Variants in NFATC1 observed in about 807,000 individuals in gnomAD.
The protein encoded by NFATC1 is nuclear factor of activated T-cells, cytoplasmic 1.
NFATC1 carries 22 observed loss-of-function variants against 76.0 expected under a neutral mutation model. That is an observed-to-expected ratio of 0.29 (90% CI 0.21 to 0.41). The LOEUF is 0.41. NFATC1 is among the 10% of genes least tolerant of loss of function. The pLI, the probability that NFATC1 is intolerant of heterozygous loss-of-function variation, is 1.00. For synonymous variants in NFATC1, 704 were observed against 613.1 expected (o/e 1.15, Z -2.19); for missense variants, 1,357 against 1,337.7 (o/e 1.01, Z -0.23).
chr18:79,406,644 T>G (rs2085448529), intron 1 of NFATC1, among the ~76,000 whole-genome samples: 1 of 152,208 alleles, frequency 6.6e-6, no homozygotes. Flanking sequence ...GTGGCGTTTT[T>G]GGCTAAGGAA....
At chr18:79,498,894 T>A (rs1170500668) in intron 9 of NFATC1, among the ~76,000 whole-genome samples, 1 of 152,158 alleles carries the variant, frequency 6.6e-6, no homozygotes, top group Non-Finnish European at 1.5e-5. Context: ...AAAACCACTG[T>A]CAACCAAGAA....
chr18:79,493,700 TCC>T (rs1387040068), intron 9 of NFATC1: 1 of 152,012 alleles, frequency 6.6e-6, no homozygotes, highest in African/African-American at 2.4e-5. Context: ...TCTGAGGCCT[TCC>T]CCCCGGCTGA....
chr18:79,483,758 C>T (rs540795243), intron 8 of NFATC1, among the ~76,000 whole-genome samples: 1 of 147,512 alleles, frequency 6.8e-6, no homozygotes, highest in South Asian at 2.2e-4. Context: ...CCAGCGTGAC[C>T]TCGTTCCTGA....
At chr18:79,512,721 G>C (rs1351519543) in intron 9 of NFATC1, among the ~76,000 whole-genome samples, 1 of 152,224 alleles carries the variant, frequency 6.6e-6, no homozygotes, top group Non-Finnish European at 1.5e-5. Context: ...GCTCTGGGCT[G>C]TGGCTGCCGT....
chr18:79,467,806 G>A, intron 8 of NFATC1: 5 of 879,258 alleles, frequency 5.7e-6, no homozygotes, highest in Non-Finnish European at 7.1e-6. Context: ...GGCGGGGGTT[G>A]CATACTCAGA....
intron 9 of NFATC1, among the ~76,000 whole-genome samples, chr18:79,523,511 G>C (rs541729298): frequency 6.6e-6 from 1 of 152,398 alleles, no homozygotes; most frequent in South Asian, 2.1e-4. Flanking sequence ...GCTTGTTTAC[G>C]CACAGCTAGT....
chr18:79,439,844 G>A (rs1474133519), intron 3 of NFATC1, among the ~76,000 whole-genome samples: 1 of 152,226 alleles, frequency 6.6e-6, no homozygotes, highest in Non-Finnish European at 1.5e-5. Context: ...CTGCTGGGAA[G>A]GTGTTCACGG....
At chr18:79,492,834 A>G (rs2145094993) in intron 9 of NFATC1, among the ~76,000 whole-genome samples, 1 of 146,628 alleles carries the variant, frequency 6.8e-6, no homozygotes, top group East Asian at 2.1e-4. Flanking sequence ...AGACCTCGCC[A>G]CTGCACTCCA....
intron 9 of NFATC1, among the ~76,000 whole-genome samples, chr18:79,512,543 G>A (rs758814898): frequency 8.5e-5 from 13 of 152,220 alleles, no homozygotes; most frequent in Non-Finnish European, 1.9e-4. Flanking sequence ...GCAGTTGTGC[G>A]GCTGTGGACT....
At chr18:79,527,246 C>G in intron 9 of NFATC1, 1 of 369,944 alleles carries the variant, frequency 2.7e-6, no homozygotes, top group East Asian at 4.9e-5. Context: ...TTCCCAGCAT[C>G]GCGGCCGGCA....
Position 79,451,815 on chromosome 18 carries a change from A to G in NFATC1, c.1902A>G (p.Pro634=), listed in dbSNP as rs2087485654. 1 of 1,607,014 alleles carries G rather than the reference A, an allele frequency of 6.2e-7. No homozygotes were observed. The highest frequency in any genetic ancestry group is 8.5e-7 in the Non-Finnish European group (1 of 1,176,400). Reference sequence around the variant, plus strand: ...AGGTCATTTTCGTGGAGAAAGCCCCAGGTATGCTCTTCACCAGGGGCCATC... The same window carrying G: ...AGGTCATTTTCGTGGAGAAAGCCCCGGGTATGCTCTTCACCAGGGGCCATC... The part of the protein sequence containing the change: ...DSKVIFVEKA[P]DGHHVWEMEA... Residue 634 remains proline, a splice_region_variant and synonymous_variant, in exon 6 of 10, where the codon CCA becomes CCG. Coordinates refer to ENST00000427363, the MANE Select transcript of NFATC1 (RefSeq NM_001278669.2).
At chr18:79,517,344 T>C (rs2090407253) in intron 9 of NFATC1, among the ~76,000 whole-genome samples, 1 of 152,252 alleles carries the variant, frequency 6.6e-6, no homozygotes, top group Non-Finnish European at 1.5e-5. Flanking sequence ...TTTTGCTCTT[T>C]TTAAAAAGTT....
At chr18:79,473,170 G>T (rs895700494) in intron 8 of NFATC1, among the ~76,000 whole-genome samples, 18 of 152,248 alleles carry the variant, frequency 1.2e-4, no homozygotes, top group Middle Eastern at 3.2e-3. Flanking sequence ...TCGCCACAGG[G>T]GTGAGAATTC....
chr18:79,459,276 G>A (rs2144848358), intron 6 of NFATC1, among the ~76,000 whole-genome samples: 1 of 152,384 alleles, frequency 6.6e-6, no homozygotes, highest in East Asian at 1.9e-4. Flanking sequence ...CTCCGGCAAG[G>A]ATGGTTCCCC....
intron 9 of NFATC1, among the ~76,000 whole-genome samples, chr18:79,520,245 C>G (rs1307893970): frequency 6.6e-6 from 1 of 152,074 alleles, no homozygotes; most frequent in African/African-American, 2.4e-5. Context: ...AATGTTGGAG[C>G]TGGAGAGTCG....
chr18:79,410,252 C>T lies in NFATC1; in HGVS notation c.128-151C>T. ...GTCACTCCAAGTCGCCCGGAGCTGT[C>T]CGGCAGCGTGGTCTCAGGGACGTTT... On this transcript the variant is annotated intron_variant, in intron 1 of 9. Coordinates refer to ENST00000427363, the MANE Select transcript of NFATC1 (RefSeq NM_001278669.2). The surrounding 1 kb of genome is among the most constrained non-coding windows in gnomAD (Gnocchi z 6.7). 7.7e-7 allele frequency: 1 copy of T among 1,301,076 alleles called. No individual in the cohort carries two copies. The highest frequency in any genetic ancestry group is 1.4e-5 in the South Asian group (1 of 73,002). 80.6% of individuals were successfully genotyped at this position (1,301,076 alleles called of 1,614,324 possible).
intron 8 of NFATC1, chr18:79,470,207 CTGGAGG>C (rs1394903225): frequency 6.0e-6 from 1 of 166,920 alleles, no homozygotes; most frequent in African/African-American, 2.4e-5. Context: ...TCTGCCGACC[CTGGAGG>C]TGGAGGCAGG....
intron 9 of NFATC1, among the ~76,000 whole-genome samples, chr18:79,513,228 C>T (rs759684791): frequency 6.6e-5 from 10 of 152,226 alleles, no homozygotes; most frequent in Non-Finnish European, 1.2e-4. Context: ...GCACTGGGAC[C>T]GCTGCAGAGA....
chr18:79,410,526 A>G lies in NFATC1; in HGVS notation c.251A>G (p.Asp84Gly), dbSNP rs777043555. The G allele has an allele frequency of 1.3e-5, 21 of 1,611,782 alleles. No individual in the cohort carries two copies. In the Middle Eastern group the frequency reaches 9.9e-4, roughly 76 times the overall value. ...ACACCGGGCATCATCCCGCCGGCGG[A>G]TCACCCCTCGGGGTACGGAGCAGCT... ...TSTPGIIPPA[D>G]HPSGYGAALD... The change falls in exon 2 of 10, where the codon GAT becomes GGT. Residue 84 changes from aspartate (D) to glycine (G), a missense_variant. Asp to Gly is a moderately conservative substitution (Grantham distance 94). This residue lies in a region of NFATC1 where 691 missense variants were observed against 613.1 expected (regional missense o/e 1.13). Transcript: ENST00000427363. This position sits in a 1 kb window ranked among gnomAD's most constrained non-coding sequence, Gnocchi z 6.7.
Sources: allele counts gnomAD v4.1 joint callset (sites outside exome capture counted in the v4.1 genomes callset), GRCh38; gene constraint gnomAD v4.1.1; regional missense constraint gnomAD v4.1.1; non-coding constraint Gnocchi (gnomAD v3.1); transcripts MANE v1.5; gene names NCBI Gene and HGNC (gene_info 2026-07-23, HGNC 2026-07-21).